CBFA2T2: variants seen among roughly 807,000 people sequenced by gnomAD.
CBFA2T2 encodes protein CBFA2T2.
In CBFA2T2, 11 loss-of-function variants were observed where a neutral mutation model predicts 62.2. The observed-to-expected ratio is 0.18, with a 90% CI of 0.11 to 0.29. The LOEUF (loss-of-function observed/expected upper bound fraction) is 0.29, where lower values mean the gene tolerates loss of function less well. Among genes scored for constraint, CBFA2T2 ranks in the 10% least tolerant of loss-of-function variants. The probability of loss-of-function intolerance (pLI) is 1.00; values close to 1 mark genes in which losing one functional copy is unlikely to be tolerated. For synonymous variants in CBFA2T2, 295 were observed against 287.5 expected (o/e 1.03, Z -0.27); for missense variants, 592 against 774.1 (o/e 0.76, Z 2.79).
chr20:33,540,112 A>G (rs981740897), intron 1 of CBFA2T2, among the ~76,000 whole-genome samples: 2 of 152,226 alleles, frequency 1.3e-5, no homozygotes, highest in Non-Finnish European at 2.9e-5. Context: ...TTTGGCCATC[A>G]AACAAGGAGG....
rs1016353887 is a variant in CBFA2T2, at chr20:33,629,912, A to G, written c.1226A>G (p.Asn409Ser). 6.2e-7 allele frequency: 1 copy of G among 1,611,878 alleles called. No homozygotes were observed. The highest frequency in any genetic ancestry group is 8.5e-7 in the Non-Finnish European group (1 of 1,179,154). ...HSPGSADSLS[N>S]DSQREFNSRP... ...CCTGGGAGTGCAGATTCTCTCAGCA[A>G]TGGTAAGGGGAGAGTCTACGGGAAA... Residue 409 changes from asparagine to serine, a missense_variant and splice_region_variant, in exon 8 of 11, where the codon AAT becomes AGT. This residue lies in a region of CBFA2T2 where 449 missense variants were observed against 551.2 expected (regional missense o/e 0.81). Coordinates refer to ENST00000342704, the MANE Select transcript of CBFA2T2 (RefSeq NM_001032999.3).
intron 1 of CBFA2T2, among the ~76,000 whole-genome samples, chr20:33,544,326 AT>A (rs891971091): frequency 5.9e-5 from 9 of 152,030 alleles, no homozygotes; most frequent in Non-Finnish European, 1.2e-4. Context: ...TACCTAGACA[AT>A]TCTTTTTTCA....
intron 1 of CBFA2T2, among the ~76,000 whole-genome samples, chr20:33,527,832 C>A (rs2011932891): frequency 6.6e-6 from 1 of 152,002 alleles, no homozygotes; most frequent in Non-Finnish European, 1.5e-5. Flanking sequence ...GTGTCAGCCT[C>A]CACTCCCAGC....
intron 1 of CBFA2T2, among the ~76,000 whole-genome samples, chr20:33,559,242 A>G (rs1021720327): frequency 7.1e-6 from 1 of 141,792 alleles, no homozygotes; most frequent in African/African-American, 2.7e-5. Context: ...CAATGGGGCA[A>G]TCTTGGCTCC....
intron 1 of CBFA2T2, among the ~76,000 whole-genome samples, chr20:33,592,428 TTA>T: frequency 7.8e-6 from 1 of 127,812 alleles, no homozygotes; most frequent in East Asian, 2.0e-4. Flanking sequence ...TATGTAAAAA[TTA>T]TATATAATTA....
chr20:33,548,679 G>T (rs1262546156), intron 1 of CBFA2T2, among the ~76,000 whole-genome samples: 6 of 152,064 alleles, frequency 3.9e-5, no homozygotes, highest in Admixed American at 3.9e-4. Context: ...TAAATTCTGG[G>T]CTGGGTACAG....
chr20:33,597,877 A>G (rs747483355), intron 1 of CBFA2T2, among the ~76,000 whole-genome samples: 2 of 152,132 alleles, frequency 1.3e-5, no homozygotes, highest in East Asian at 1.9e-4. Context: ...GTTCTTTTCT[A>G]TTTTCCTTTA....
At chr20:33,544,846 A>C (rs897746374) in intron 1 of CBFA2T2, among the ~76,000 whole-genome samples, 2 of 152,040 alleles carry the variant, frequency 1.3e-5, no homozygotes, top group Admixed American at 6.6e-5. Context: ...TGCCCGGCCT[A>C]TGTGGTTTAT....
chr20:33,586,242 A>G (rs2064339), intron 1 of CBFA2T2, among the ~76,000 whole-genome samples: 147,424 of 152,210 alleles, frequency 0.97, 71,413 homozygotes, highest in East Asian at 1. Context: ...GCAGTGGCAC[A>G]ATATCAGCTC....
Position 33,594,613 on chromosome 20 carries a change from T to G in CBFA2T2, c.35-12343T>G, listed in dbSNP as rs575766120. ...AACCCAAGAGACCTGGCTTTTTGAA[T>G]CGTAGGAAAGCCATTAACTAGCTGT... On this transcript the variant is annotated intron_variant, in intron 1 of 10. Transcript: ENST00000342704. 1.3e-4 allele frequency among the ~76,000 whole-genome samples: 20 copies of G among 152,270 alleles called. No homozygotes were observed. The South Asian group carries it at 3.3e-3, about 25-fold the overall frequency.
chr20:33,617,058 A>AC, intron 3 of CBFA2T2, among the ~76,000 whole-genome samples: 1 of 152,156 alleles, frequency 6.6e-6, no homozygotes, highest in East Asian at 1.9e-4. Flanking sequence ...TCCTTCCTCT[A>AC]CAAAAAAAAA....
intron 1 of CBFA2T2, among the ~76,000 whole-genome samples, chr20:33,513,086 G>A (rs1011379663): frequency 6.6e-6 from 1 of 152,072 alleles, no homozygotes; most frequent in African/African-American, 2.4e-5. Context: ...TGTATGCCTA[G>A]GAATGGGATT....
chr20:33,644,656 T>C lies in CBFA2T2; in HGVS notation c.*10T>C, dbSNP rs923744683. 3.1e-6 allele frequency: 5 copies of C among 1,590,292 alleles called. No homozygotes were observed. Among genetic ancestry groups the C allele is most frequent in the Non-Finnish European group, 4.3e-6 (5 of 1,164,170 alleles). On this transcript the variant is annotated 3_prime_UTR_variant, in exon 11 of 11. Transcript: ENST00000342704. ...CACCAACGGACTCTGAGCCCCGGAC[T>C]CTGCTTACCCTGATGGCTGCTCAGC...
intron 1 of CBFA2T2, among the ~76,000 whole-genome samples, chr20:33,522,492 C>T (rs1269786497): frequency 6.7e-6 from 1 of 149,442 alleles, no homozygotes; most frequent in East Asian, 2.0e-4. Flanking sequence ...CTTTGGGAGG[C>T]CAAGGTGGGA....
chr20:33,571,922 G>A (rs1406944396), intron 1 of CBFA2T2, among the ~76,000 whole-genome samples: 8 of 152,088 alleles, frequency 5.3e-5, no homozygotes, highest in African/African-American at 1.2e-4. Flanking sequence ...ATGGAGTCTC[G>A]CTCTGTCGCC....
intron 1 of CBFA2T2, among the ~76,000 whole-genome samples, chr20:33,591,691 T>C (rs1197511041): frequency 2.0e-5 from 3 of 152,146 alleles, no homozygotes; most frequent in Non-Finnish European, 4.4e-5. Context: ...ATAATTAAAA[T>C]GCAAAAGTTA....
intron 3 of CBFA2T2, among the ~76,000 whole-genome samples, chr20:33,616,078 G>GAGATAGATAGATAGATAGAT (rs3054967): frequency 5.6e-5 from 8 of 143,296 alleles, no homozygotes; most frequent in South Asian, 2.3e-4. Flanking sequence ...TCTGTAGATA[G>GAGATAGATAGATAGATAGAT]AGATAGATAG....
intron 1 of CBFA2T2, among the ~76,000 whole-genome samples, chr20:33,519,880 C>T (rs1016609870): frequency 4.6e-5 from 7 of 152,214 alleles, no homozygotes; most frequent in South Asian, 2.1e-4. Flanking sequence ...GGCACGGTGG[C>T]TCACGCCTGT....
At chr20:33,627,047 A>C (rs2016258440) in intron 6 of CBFA2T2, among the ~76,000 whole-genome samples, 1 of 152,136 alleles carries the variant, frequency 6.6e-6, no homozygotes, top group Admixed American at 6.6e-5. Context: ...ATGTTATGAT[A>C]CTTATCCTAG....
Sources: gnomAD v4.1 joint callset for allele counts (sites outside exome capture counted in the v4.1 genomes callset) on GRCh38, gnomAD v4.1.1 for gene constraint, gnomAD v4.1.1 regional missense constraint, MANE v1.5 for transcripts, NCBI Gene and HGNC (gene_info 2026-07-23, HGNC 2026-07-21) for gene names.